The following TMEM163 variants were observed in gnomAD, a reference collection of about 807,000 sequenced individuals.
TMEM163 encodes the protein transmembrane protein 163.
TMEM163 carries 17 observed loss-of-function variants against 29.3 expected under a neutral mutation model. That is an observed-to-expected ratio of 0.58 (90% CI 0.40 to 0.87). The LOEUF (loss-of-function observed/expected upper bound fraction) is 0.87, where lower values mean the gene tolerates loss of function less well. Among genes scored for constraint, TMEM163 ranks in the 40% least tolerant of loss-of-function variants. TMEM163 has a pLI of 0.00. For synonymous variants in TMEM163, 157 were observed against 160.6 expected (o/e 0.98, Z 0.17); for missense variants, 303 against 381.5 (o/e 0.79, Z 1.71).
intron 6 of TMEM163, among the ~76,000 whole-genome samples, chr2:134,464,580 C>T (rs1025324819): frequency 1.3e-5 from 2 of 152,152 alleles, no homozygotes; most frequent in African/African-American, 4.8e-5. Flanking sequence ...GGGTGATGCT[C>T]TTCCGAGGGT....
chr2:134,567,835 C>A (rs1411787093), intron 2 of TMEM163, among the ~76,000 whole-genome samples: 36 of 152,150 alleles, frequency 2.4e-4, no homozygotes, highest in Admixed American at 2.2e-3. Flanking sequence ...AGGAACAGAT[C>A]CAAGTCTTTG....
chr2:134,461,742 G>C (rs1181678625), intron 6 of TMEM163, among the ~76,000 whole-genome samples: 1 of 152,196 alleles, frequency 6.6e-6, no homozygotes, highest in African/African-American at 2.4e-5. Flanking sequence ...GGACACCCCA[G>C]CGACAAGTGA....
intron 2 of TMEM163, among the ~76,000 whole-genome samples, chr2:134,604,112 C>T (rs1366324939): frequency 2.6e-5 from 4 of 152,012 alleles, no homozygotes; most frequent in Admixed American, 6.6e-5. Context: ...TCCTTCACTC[C>T]GCTGTCAGAT....
intron 4 of TMEM163, among the ~76,000 whole-genome samples, chr2:134,543,310 G>A (rs1308736943): frequency 6.6e-6 from 1 of 152,208 alleles, no homozygotes; most frequent in Non-Finnish European, 1.5e-5. Flanking sequence ...CCATCCTGCT[G>A]AAATGGCTCC....
chr2:134,503,295 C>T (rs747310167), intron 4 of TMEM163, among the ~76,000 whole-genome samples: 8 of 152,214 alleles, frequency 5.3e-5, no homozygotes, highest in Non-Finnish European at 1.0e-4. Context: ...ATCTTTCTCC[C>T]TTGCCTGGCA....
intron 2 of TMEM163, among the ~76,000 whole-genome samples, chr2:134,634,175 A>G (rs1683052015): frequency 2.0e-5 from 3 of 151,812 alleles, no homozygotes; most frequent in African/African-American, 7.3e-5. Flanking sequence ...TGGGGCATGA[A>G]CAAAAAAGCC....
At chr2:134,523,464 T>C (rs1680229597) in intron 4 of TMEM163, among the ~76,000 whole-genome samples, 1 of 152,200 alleles carries the variant, frequency 6.6e-6, no homozygotes, top group Non-Finnish European at 1.5e-5. Flanking sequence ...AAATTTCATT[T>C]AGAAAAAATG....
intron 2 of TMEM163, among the ~76,000 whole-genome samples, chr2:134,572,628 T>C (rs1042847971): frequency 1.2e-4 from 18 of 152,196 alleles, no homozygotes; most frequent in African/African-American, 4.1e-4. Context: ...CCATCATCAA[T>C]AGGTCTAAAT....
chr2:134,614,974 G>A (rs1378316949), intron 2 of TMEM163, among the ~76,000 whole-genome samples: 4 of 151,920 alleles, frequency 2.6e-5, no homozygotes, highest in South Asian at 2.1e-4. Flanking sequence ...CCTAGAATAC[G>A]TAAGAAATGA....
In TMEM163 at chr2:134,583,925, C is replaced by T. The variant is rs573678681; in HGVS notation, c.323-31834G>A. 6.7e-4 allele frequency among the ~76,000 whole-genome samples: 102 copies of T among 152,298 alleles called. 1 individual carries two copies. Among genetic ancestry groups the T allele is most frequent in the Non-Finnish European group, 9.8e-4 (67 of 68,028 alleles). On this transcript the variant is annotated intron_variant, in intron 2 of 7. Transcript: ENST00000281924. ...TCCTCCTCCATCCCCTTTCTGGCTT[C>T]ATTTTTCTCCATAGCATCCCTCACA... is the stretch of plus-strand genomic sequence containing the variant.
chr2:134,540,248 G>A (rs558094322), intron 4 of TMEM163, among the ~76,000 whole-genome samples: 17 of 152,342 alleles, frequency 1.1e-4, no homozygotes, highest in African/African-American at 3.6e-4. Flanking sequence ...ACAGGGCTGC[G>A]GCCCAGTTAC....
intron 4 of TMEM163, among the ~76,000 whole-genome samples, chr2:134,511,351 G>A (rs563878138): frequency 2.3e-4 from 35 of 152,294 alleles, no homozygotes; most frequent in Non-Finnish European, 4.0e-4. Context: ...CGAGGCCAAC[G>A]TGGCTGGAAC....
intron 4 of TMEM163, among the ~76,000 whole-genome samples, chr2:134,541,656 T>A (rs143122912): frequency 6.6e-6 from 1 of 152,200 alleles, no homozygotes; most frequent in Non-Finnish European, 1.5e-5. Flanking sequence ...TATTTATCCA[T>A]GGAAAGATGT....
chr2:134,529,380 T>C (rs550537793), intron 4 of TMEM163, among the ~76,000 whole-genome samples: 17 of 138,394 alleles, frequency 1.2e-4, no homozygotes, highest in Admixed American at 1.1e-3. Context: ...ATAAAAGAAA[T>C]GGAAAGAAAA....
At chr2:134,661,068 C>T (rs1683737684) in intron 2 of TMEM163, among the ~76,000 whole-genome samples, 1 of 151,996 alleles carries the variant, frequency 6.6e-6, no homozygotes, top group South Asian at 2.1e-4. Context: ...GGAGTGGGTT[C>T]CTTATCAAAG....
chr2:134,476,596 A>G (rs1413428803), intron 5 of TMEM163, among the ~76,000 whole-genome samples: 1 of 152,226 alleles, frequency 6.6e-6, no homozygotes, highest in Admixed American at 6.5e-5. Flanking sequence ...AGTAATGTTC[A>G]TGATGTTCCT....
intron 2 of TMEM163, among the ~76,000 whole-genome samples, chr2:134,702,344 G>A (rs947913519): frequency 4.6e-5 from 7 of 152,142 alleles, no homozygotes; most frequent in South Asian, 2.1e-4. Flanking sequence ...AAAGATAACC[G>A]CTATTAAAAA....
intron 4 of TMEM163, among the ~76,000 whole-genome samples, chr2:134,523,532 C>T (rs1278027351): frequency 2.0e-5 from 3 of 152,278 alleles, no homozygotes; most frequent in East Asian, 1.9e-4. Context: ...CCTAGAAAAG[C>T]ACTCCTGTCT....
At chr2:134,465,773 G>C (rs1686657778) in intron 6 of TMEM163, among the ~76,000 whole-genome samples, 1 of 152,144 alleles carries the variant, frequency 6.6e-6, no homozygotes, top group Non-Finnish European at 1.5e-5. Flanking sequence ...ATCCAGAAAA[G>C]GCATTTACTT....
Sources: allele counts gnomAD v4.1 joint callset (sites outside exome capture counted in the v4.1 genomes callset), GRCh38; gene constraint gnomAD v4.1.1; transcripts MANE v1.5; gene names NCBI Gene and HGNC (gene_info 2026-07-23, HGNC 2026-07-21).